The following AP2A1 variants were observed in gnomAD, a reference collection of about 807,000 sequenced individuals.
AP2A1 encodes the protein AP-2 complex subunit alpha-1.
Under a neutral mutation model 107.3 loss-of-function variants are expected in AP2A1, and 21 were observed. The ratio of observed to expected loss-of-function variants is 0.20; its 90% CI spans 0.14 to 0.28. AP2A1 has a LOEUF of 0.28. AP2A1 is among the 10% of genes least tolerant of loss of function. The pLI, the probability that AP2A1 is intolerant of heterozygous loss-of-function variation, is 1.00. For missense variants in AP2A1, 873 were observed against 1,307.7 expected (o/e 0.67, Z 5.13); for synonymous variants, 602 against 564.8 (o/e 1.07, Z -0.93).
chr19:49,805,647 T>C lies in AP2A1; in HGVS notation c.2469-14T>C. On this transcript the variant is annotated splice_polypyrimidine_tract_variant and intron_variant, in intron 19 of 22. Transcript: ENST00000354293. ...GGGGCGGGGCCTAATGGAGCCTCCC[T>C]TTCACCTCATCAGGTACGGTGGCGC... is the stretch of plus-strand genomic sequence containing the variant. 6.4e-7 allele frequency: 1 copy of C among 1,557,276 alleles called. No homozygotes were observed. Among genetic ancestry groups the C allele is most frequent in the Non-Finnish European group, 8.7e-7 (1 of 1,151,064 alleles).
At chr19:49,772,104 C>T (rs2084564833) in intron 1 of AP2A1, among the ~76,000 whole-genome samples, 2 of 152,028 alleles carry the variant, frequency 1.3e-5, no homozygotes, top group Middle Eastern at 3.2e-3. Flanking sequence ...GTCATCCCGG[C>T]TGGAGTACAG....
intron 1 of AP2A1, 37 bp downstream of exon 1, chr19:49,767,237 G>A: frequency 1.2e-6 from 2 of 1,606,338 alleles, no homozygotes; most frequent in South Asian, 1.1e-5. Context: ...AGACGCGGGG[G>A]AGGGGGGAGC....
chr19:49,799,839 T>C, intron 10 of AP2A1, 73 bp downstream of exon 10: 1 of 1,567,456 alleles, frequency 6.4e-7, no homozygotes, highest in Non-Finnish European at 8.7e-7. Context: ...GATTCCTAAG[T>C]CTAAGGGAGG....
rs1415373962 is a variant in AP2A1 at position 49,805,583 on chromosome 19, C to G, written c.2468+7C>G. ...TGCTGTCCGTGCGCTTCCGGTGAGT[C>G]AGGTACGGCGCGGCCGGTGGGCGGA... On this transcript the variant is annotated splice_region_variant and intron_variant, in intron 19 of 22. Coordinates refer to ENST00000354293, the MANE Select transcript of AP2A1 (RefSeq NM_130787.3). The G allele has an allele frequency of 6.4e-7, 1 of 1,570,940 alleles. No individual in the cohort carries two copies. Among genetic ancestry groups the G allele is most frequent in the Admixed American group, 1.9e-5 (1 of 53,892 alleles).
At chr19:49,774,302 C>G (rs2084595120) in intron 1 of AP2A1, among the ~76,000 whole-genome samples, 1 of 152,110 alleles carries the variant, frequency 6.6e-6, no homozygotes, top group Admixed American at 6.6e-5. Context: ...CCTCATGGCA[C>G]TGGTGTTCCG....
At chr19:49,806,580 T>C (rs2073393132) in intron 22 of AP2A1, 101 bp from the exon 23 acceptor site, 2 of 1,554,170 alleles carry the variant, frequency 1.3e-6, no homozygotes, top group South Asian at 2.4e-5. Flanking sequence ...TTGTATCACC[T>C]TTCTGGCCCC....
chr19:49,774,656 C>T (rs1217657829), intron 1 of AP2A1, among the ~76,000 whole-genome samples: 2 of 152,090 alleles, frequency 1.3e-5, no homozygotes, highest in Non-Finnish European at 2.9e-5. Flanking sequence ...GGTATGGTGG[C>T]TCACGCCTGT....
At position 49,806,156 on chromosome 19, in the gene AP2A1, A is replaced by C; in HGVS notation, c.2693A>C (p.Asp898Ala). The change falls in exon 22 of 23, where the codon GAC becomes GCC. Residue 898 changes from aspartate to alanine, a missense_variant. Around this residue, in one of 4 missense-constraint regions of AP2A1, gnomAD observed 416 missense variants for 473.4 expected, o/e 0.88. Coordinates refer to ENST00000354293, the MANE Select transcript of AP2A1 (RefSeq NM_130787.3). ...GGCTCTGCTCTCCTGGACAATGTGG[A>C]CCCCAACCCTGAGAACTTCGTGGGG... ...GFGSALLDNV[D>A]PNPENFVGAG... is the part of the protein sequence containing the mutation. 1 of 1,575,582 alleles carries C rather than the reference A, an allele frequency of 6.3e-7. No homozygotes were observed. Among genetic ancestry groups the C allele is most frequent in the Non-Finnish European group, 8.6e-7 (1 of 1,161,336 alleles).
intron 1 of AP2A1, among the ~76,000 whole-genome samples, chr19:49,769,066 A>G (rs962654453): frequency 1.4e-4 from 22 of 152,244 alleles, no homozygotes; most frequent in African/African-American, 4.8e-4. Flanking sequence ...CCTGGCCAAC[A>G]TGGTGAAACT....
intron 13 of AP2A1, 31 bp downstream of exon 13, chr19:49,801,652 C>CCG: frequency 6.7e-7 from 1 of 1,495,290 alleles, no homozygotes; most frequent in Non-Finnish European, 9.0e-7. Flanking sequence ...CCCCACCCCT[C>CCG]TTGCACACCC....
intron 7 of AP2A1, chr19:49,796,395 C>T (rs1018426186): frequency 2.6e-5 from 4 of 152,420 alleles, no homozygotes; most frequent in African/African-American, 9.6e-5. Context: ...ACTGAGCTCC[C>T]CCGAGCTTCT....
At chr19:49,795,824 C>A in intron 7 of AP2A1, 86 bp downstream of exon 7, 1 of 1,035,668 alleles carries the variant, frequency 9.7e-7, no homozygotes, top group Non-Finnish European at 1.4e-6. Context: ...CCAGGTGGGA[C>A]TGGAGGGTCT....
intron 1 of AP2A1, among the ~76,000 whole-genome samples, chr19:49,767,612 A>C (rs2084516564): frequency 6.6e-6 from 1 of 152,136 alleles, no homozygotes; most frequent in African/African-American, 2.4e-5. Context: ...GGAAGAGGCC[A>C]GAGGGGACCT....
chr19:49,798,318 A>C (rs1169635175), intron 7 of AP2A1, among the ~76,000 whole-genome samples: 3 of 152,118 alleles, frequency 2.0e-5, no homozygotes, highest in Non-Finnish European at 4.4e-5. Flanking sequence ...GGAGGATGGC[A>C]CCGAGTGTGC....
Position 49,805,653 on chromosome 19 carries a change from C to G in AP2A1, c.2469-8C>G. ...GGGCCTAATGGAGCCTCCCTTTCAC[C>G]TCATCAGGTACGGTGGCGCCCCCCA... On this transcript the variant is annotated splice_polypyrimidine_tract_variant and splice_region_variant and intron_variant, in intron 19 of 22. Coordinates refer to ENST00000354293, the MANE Select transcript of AP2A1 (RefSeq NM_130787.3). The G allele has an allele frequency of 6.4e-7, 1 of 1,558,674 alleles. No homozygotes were observed. The highest frequency in any genetic ancestry group is 8.7e-7 in the Non-Finnish European group (1 of 1,151,862).
Position 49,801,872 on chromosome 19 carries a change from C to A in AP2A1, c.1936C>A (p.Pro646Thr), listed in dbSNP as rs2073285185. 1 of 1,497,008 alleles carries A rather than the reference C, an allele frequency of 6.7e-7. No homozygotes were observed. Among genetic ancestry groups the A allele is most frequent in the Non-Finnish European group, 8.9e-7 (1 of 1,126,586 alleles). 92.7% of individuals were successfully genotyped at this position (1,497,008 alleles called of 1,614,324 possible). ...CAACGACATCAACGGGGGCATGGAG[C>A]CCACCCCCAGCACTGTGGTGAGTCC... ...SSNDINGGMEPTPSTVSTPSP... is the reference protein window; with the variant it reads ...SSNDINGGMETTPSTVSTPSP... Residue 646 changes from proline (P) to threonine (T), a missense_variant, in exon 14 of 23, where the codon CCC becomes ACC. Transcript: ENST00000354293.
chr19:49,806,366 C>G, intron 22 of AP2A1, 113 bp downstream of exon 22: 2 of 1,283,522 alleles, frequency 1.6e-6, no homozygotes, highest in Non-Finnish European at 2.0e-6. Context: ...GACCCTCCTC[C>G]TCTCACATTT....
intron 4 of AP2A1, among the ~76,000 whole-genome samples, chr19:49,789,437 C>T (rs1406883727): frequency 2.6e-5 from 4 of 152,054 alleles, no homozygotes; most frequent in African/African-American, 9.7e-5. Flanking sequence ...ATTTCAGGCA[C>T]GTGCCACCAT....
At chr19:49,776,247 C>T (rs972518260) in intron 1 of AP2A1, among the ~76,000 whole-genome samples, 14 of 152,042 alleles carry the variant, frequency 9.2e-5, no homozygotes, top group African/African-American at 2.7e-4. Context: ...CATCACCGTC[C>T]GCCTGCCTTG....
Sources: gnomAD v4.1 joint callset for allele counts (sites outside exome capture counted in the v4.1 genomes callset) on GRCh38, gnomAD v4.1.1 for gene constraint, gnomAD v4.1.1 regional missense constraint, MANE v1.5 for transcripts, NCBI Gene and HGNC (gene_info 2026-07-23, HGNC 2026-07-21) for gene names.